DSCAM: variants seen among roughly 807,000 people sequenced by gnomAD.
DSCAM encodes the protein DS cell adhesion molecule.
A neutral mutation model predicts 217.7 loss-of-function variants in DSCAM; 47 were observed. That is an observed-to-expected ratio of 0.22 (90% CI 0.17 to 0.28). DSCAM has a LOEUF of 0.28. Ranked by LOEUF, DSCAM falls within the 10% of genes least tolerant of loss-of-function variation. DSCAM has a pLI of 1.00. For missense variants in DSCAM, 2,080 were observed against 2,618.3 expected (o/e 0.79, Z 4.49); for synonymous variants, 1,056 against 1,015.3 (o/e 1.04, Z -0.76).
chr21:40,798,445 A>G (rs2091710560), intron 1 of DSCAM, among the ~76,000 whole-genome samples: 1 of 152,158 alleles, frequency 6.6e-6, no homozygotes, highest in Non-Finnish European at 1.5e-5. Context: ...AAGATTATAC[A>G]TACCTTTTAA....
chr21:40,129,114 G>A (rs2090128578), intron 19 of DSCAM, among the ~76,000 whole-genome samples: 1 of 152,162 alleles, frequency 6.6e-6, no homozygotes, highest in Non-Finnish European at 1.5e-5. Flanking sequence ...AACAGCCACA[G>A]GCAGGTGTGT....
chr21:40,102,704 C>CTT (rs2089768272), intron 20 of DSCAM, among the ~76,000 whole-genome samples: 1 of 152,212 alleles, frequency 6.6e-6, no homozygotes, highest in Non-Finnish European at 1.5e-5. Context: ...TTGGTCATGT[C>CTT]TATAAAACTA....
At chr21:40,838,198 C>A (rs1183528712) in intron 1 of DSCAM, among the ~76,000 whole-genome samples, 1 of 152,182 alleles carries the variant, frequency 6.6e-6, no homozygotes, top group Admixed American at 6.5e-5. Context: ...TCTTATGATA[C>A]AATCACAGAA....
At chr21:40,216,418 A>G (rs930092454) in intron 11 of DSCAM, among the ~76,000 whole-genome samples, 4 of 152,068 alleles carry the variant, frequency 2.6e-5, no homozygotes, top group African/African-American at 9.7e-5. Context: ...CCAGCCAATG[A>G]TCCATTTTTT....
Position 40,189,162 on chromosome 21 carries a change from C to T in DSCAM, c.2433G>A (p.Ala811=), listed in dbSNP as rs751967697. 70 of 1,613,998 alleles carry T rather than the reference C, an allele frequency of 4.3e-5. No individual in the cohort carries two copies. The highest frequency in any genetic ancestry group is 1.6e-4 in the East Asian group (7 of 44,874). ...QGQKKEMSCT[A]HGEKPIIVRW... ...GGACTATAATGGGCTTCTCACCATG[C>T]GCCGTGCAGCTCATCTCCTTTTTCT... The change falls in exon 12 of 33, where the codon GCG becomes GCA. Residue 811 remains alanine, a synonymous_variant. Transcript: ENST00000400454.
At chr21:40,289,458 T>C (rs1264650700) in intron 10 of DSCAM, among the ~76,000 whole-genome samples, 1 of 152,208 alleles carries the variant, frequency 6.6e-6, no homozygotes, top group Non-Finnish European at 1.5e-5. Context: ...TGGATTTTCT[T>C]CAAATGTAAG....
At chr21:40,532,107 C>A (rs1379820599) in intron 3 of DSCAM, among the ~76,000 whole-genome samples, 1 of 152,130 alleles carries the variant, frequency 6.6e-6, no homozygotes, top group Admixed American at 6.6e-5. Flanking sequence ...GCTCTCACGG[C>A]TGCTTAAAAG....
At chr21:40,078,538 G>T (rs886569754) in intron 26 of DSCAM, 149 bp downstream of exon 26, 3 of 1,012,662 alleles carry the variant, frequency 3.0e-6, no homozygotes, top group Non-Finnish European at 4.2e-6. Context: ...GGGAGCCCCA[G>T]ACAGAGTCCA....
At chr21:40,589,505 G>A (rs1193819952) in intron 3 of DSCAM, among the ~76,000 whole-genome samples, 3 of 151,498 alleles carry the variant, frequency 2.0e-5, no homozygotes, top group Non-Finnish European at 4.4e-5. Context: ...GAACCCAGGA[G>A]GTGGAGGTTG....
At chr21:40,373,228 G>C (rs1269872353) in intron 3 of DSCAM, among the ~76,000 whole-genome samples, 1 of 152,156 alleles carries the variant, frequency 6.6e-6, no homozygotes, top group Non-Finnish European at 1.5e-5. Context: ...TTTAAGATCT[G>C]AGCCGCAGAA....
At chr21:40,185,491 G>T (rs2090884083) in intron 14 of DSCAM, among the ~76,000 whole-genome samples, 1 of 152,148 alleles carries the variant, frequency 6.6e-6, no homozygotes, top group South Asian at 2.1e-4. Flanking sequence ...GACAGGGGAG[G>T]TCCTGGGCTG....
At chr21:40,661,892 G>A (rs1170330121) in intron 3 of DSCAM, among the ~76,000 whole-genome samples, 2 of 152,174 alleles carry the variant, frequency 1.3e-5, no homozygotes, top group African/African-American at 2.4e-5. Flanking sequence ...TGGCAAATAA[G>A]TGTAAATAAT....
At chr21:40,595,668 GCAC>G (rs1446629093) in intron 3 of DSCAM, among the ~76,000 whole-genome samples, 1 of 152,134 alleles carries the variant, frequency 6.6e-6, no homozygotes. Context: ...AAAAGATGAG[GCAC>G]AACCTAACCA....
At chr21:40,238,039 G>A (rs755432565) in intron 11 of DSCAM, among the ~76,000 whole-genome samples, 8 of 152,212 alleles carry the variant, frequency 5.3e-5, no homozygotes, top group Non-Finnish European at 8.8e-5. Context: ...GTCTACCAAA[G>A]AGCTTGTGGA....
chr21:40,178,140 G>A (rs1459933707), intron 15 of DSCAM, among the ~76,000 whole-genome samples: 1 of 152,200 alleles, frequency 6.6e-6, no homozygotes, highest in Non-Finnish European at 1.5e-5. Flanking sequence ...CTGACAATCA[G>A]CATTCATGGA....
At position 40,823,595 on chromosome 21, in the gene DSCAM, G is replaced by A. The variant is rs115511014; in HGVS notation, c.43+23024C>T. On this transcript the variant is annotated intron_variant, in intron 1 of 32. Coordinates refer to ENST00000400454, the MANE Select transcript of DSCAM (RefSeq NM_001389.5). ...TTTCTGGTTACTAAAAACCCAAATAGCTTTATGCTAACAGGAACCAAAATT... is the reference window on the plus strand; with the variant it reads ...TTTCTGGTTACTAAAAACCCAAATAACTTTATGCTAACAGGAACCAAAATT... Among the ~76,000 whole-genome samples the A allele has an allele frequency of 7.1e-3, 1,088 of 152,216 alleles. 10 individuals are homozygous for A. Among genetic ancestry groups the A allele is most frequent in the African/African-American group, 0.024 (1,014 of 41,536 alleles).
intron 3 of DSCAM, among the ~76,000 whole-genome samples, chr21:40,642,411 G>A (rs1323438391): frequency 6.6e-6 from 1 of 152,144 alleles, no homozygotes; most frequent in Non-Finnish European, 1.5e-5. Context: ...CCCATTAGGA[G>A]TACTGAGAAA....
chr21:40,015,678 G>C (rs1386084420), intron 32 of DSCAM, among the ~76,000 whole-genome samples: 1 of 152,132 alleles, frequency 6.6e-6, no homozygotes, highest in Non-Finnish European at 1.5e-5. Context: ...CTCAAGTGAT[G>C]CTCCTGCCTC....
At chr21:40,300,791 T>C (rs922157914) in intron 9 of DSCAM, among the ~76,000 whole-genome samples, 5 of 152,172 alleles carry the variant, frequency 3.3e-5, no homozygotes, top group Admixed American at 2.6e-4. Flanking sequence ...TTGCTAAACC[T>C]TGTCTCCAGT....
Sources: gnomAD v4.1 joint callset for allele counts (sites outside exome capture counted in the v4.1 genomes callset) on GRCh38, gnomAD v4.1.1 for gene constraint, MANE v1.5 for transcripts, NCBI Gene and HGNC (gene_info 2026-07-23, HGNC 2026-07-21) for gene names.